Variants in CAGE1 observed in about 807,000 individuals in gnomAD.
CAGE1 encodes the protein cancer-associated gene 1 protein.
In CAGE1, 66 loss-of-function variants were observed where a neutral mutation model predicts 94.9. That is an observed-to-expected ratio of 0.70 (90% CI 0.57 to 0.85). CAGE1 has a LOEUF of 0.85. Ranked by LOEUF, CAGE1 falls within the 40% of genes least tolerant of loss-of-function variation. The probability of loss-of-function intolerance (pLI) is 0.00; values close to 1 mark genes in which losing one functional copy is unlikely to be tolerated. For missense variants in CAGE1, 865 were observed against 950.4 expected, an observed-to-expected ratio of 0.91 and a Z score of 1.18; for synonymous variants, 319 against 321.0, an observed-to-expected ratio of 0.99 and a Z score of 0.07.
intron 12 of CAGE1, chr6:7,331,215 G>A (rs1758741898): frequency 2.8e-6 from 1 of 363,242 alleles, no homozygotes. Flanking sequence ...TATAGTTTTT[G>A]GGGTCACGGT....
chr6:7,334,527 G>A (rs371391860), intron 11 of CAGE1, among the ~76,000 whole-genome samples: 10 of 152,098 alleles, frequency 6.6e-5, no homozygotes, highest in East Asian at 1.9e-4. Context: ...CCAGGAGTTC[G>A]TGACTAGCCT....
chr6:7,360,028 C>T (rs557861255), intron 9 of CAGE1, among the ~76,000 whole-genome samples: 34 of 152,244 alleles, frequency 2.2e-4, no homozygotes, highest in African/African-American at 7.7e-4. Context: ...AAAGGCTGCC[C>T]ACATCTTTGG....
rs746130641 is a variant in CAGE1, at chr6:7,373,205, G to A, written c.1614C>T (p.Asn538=). The A allele has an allele frequency of 1.1e-5, 17 of 1,612,488 alleles. No homozygotes were observed. The highest frequency in any genetic ancestry group is 7.7e-5 in the South Asian group (7 of 90,962). The change falls in exon 5 of 14, where the codon AAC becomes AAT. Residue 538 remains asparagine (N), a synonymous_variant. Transcript: ENST00000502583. ...GTTTTGCATTCTCATTTTTTACTTCGTTGATTTGCTGCTGAAGTTTTATAT... is the reference window on the plus strand; with the variant it reads ...GTTTTGCATTCTCATTTTTTACTTCATTGATTTGCTGCTGAAGTTTTATAT... The part of the protein sequence containing the change: ...TKNIKLQQQI[N]EVKNENAKLK...
chr6:7,350,014 TTA>T (rs539831690), intron 11 of CAGE1, among the ~76,000 whole-genome samples: 24 of 150,848 alleles, frequency 1.6e-4, no homozygotes, highest in African/African-American at 5.4e-4. Context: ...TTCAGGAGAC[TTA>T]CCTAACACAT....
In CAGE1 at chr6:7,385,784, C is replaced by G; in HGVS notation, c.283+1G>C. 1 of 1,517,630 alleles carries G rather than the reference C, an allele frequency of 6.6e-7. No individual in the cohort carries two copies. Among genetic ancestry groups the G allele is most frequent in the Non-Finnish European group, 8.9e-7 (1 of 1,127,136 alleles). The allele number at this position is 1,517,630 out of a possible 1,614,324, so 94.0% of individuals were successfully genotyped here. On this transcript the variant is annotated splice_donor_variant, in intron 3 of 13. Transcript: ENST00000502583. LOFTEE classifies it high-confidence loss of function. ...CATATTGCTAACAAGTAGATACTTACCATTTAACAAATTGTCTAGTGTGCC... is the reference window on the plus strand; with the variant it reads ...CATATTGCTAACAAGTAGATACTTAGCATTTAACAAATTGTCTAGTGTGCC...
intron 3 of CAGE1, among the ~76,000 whole-genome samples, chr6:7,379,469 G>A (rs1226123165): frequency 2.0e-5 from 3 of 152,196 alleles, no homozygotes; most frequent in Non-Finnish European, 4.4e-5. Context: ...TGAAGTGTAA[G>A]AGATGTTAAA....
intron 9 of CAGE1, among the ~76,000 whole-genome samples, chr6:7,356,686 A>C (rs1759965272): frequency 6.6e-6 from 1 of 152,246 alleles, no homozygotes; most frequent in African/African-American, 2.4e-5. Flanking sequence ...AATTATCAGG[A>C]AATGGTATTC....
At chr6:7,355,256 C>G in intron 10 of CAGE1, 145 bp from the exon 11 acceptor site, 1 of 576,000 alleles carries the variant, frequency 1.7e-6, no homozygotes, top group Non-Finnish European at 3.1e-6. Flanking sequence ...ATTTTGAAAT[C>G]AGGAACATGA....
In CAGE1 at chr6:7,362,639, G is replaced by A. The variant is rs945644206; in HGVS notation, c.2193+2829C>T. ...CGCGACGATGTGCCAAGGGAAGCAT[G>A]AGCATCACCCTGCACTCCAGCGGCC... On this transcript the variant is annotated intron_variant, in intron 9 of 13. Transcript: ENST00000502583. This position sits in a 1 kb window ranked among gnomAD's most constrained non-coding sequence, Gnocchi z 4.1. Among the ~76,000 whole-genome samples the A allele has an allele frequency of 6.6e-6, 1 of 152,216 alleles. No homozygotes were observed. The highest frequency in any genetic ancestry group is 1.5e-5 in the Non-Finnish European group (1 of 68,040).
intron 1 of CAGE1, 117 bp from the exon 2 acceptor site, chr6:7,387,313 G>A: frequency 1.6e-6 from 1 of 626,512 alleles, no homozygotes; most frequent in Middle Eastern, 4.3e-4. Flanking sequence ...CATTTGTCAA[G>A]TTATTAGAAA....
At chr6:7,327,509 C>T (rs1045447122) in intron 13 of CAGE1, among the ~76,000 whole-genome samples, 3 of 152,118 alleles carry the variant, frequency 2.0e-5, no homozygotes, top group African/African-American at 7.2e-5. Context: ...TAAGGAACAC[C>T]ATGAAGAACA....
At chr6:7,344,606 A>G (rs1195490481) in intron 11 of CAGE1, among the ~76,000 whole-genome samples, 1 of 151,918 alleles carries the variant, frequency 6.6e-6, no homozygotes, top group Non-Finnish European at 1.5e-5. Flanking sequence ...GTGCGGGCGT[A>G]CGGCCCGAGA....
At position 7,328,918 on chromosome 6, in the gene CAGE1, G is replaced by GTGTGTA. The variant is rs1328152228; in HGVS notation, c.2478+930_2478+931insTACACA. Among the ~76,000 whole-genome samples the GTGTGTA allele has an allele frequency of 1.2e-3, 53 of 43,998 alleles. 1 individual carries two copies. Among genetic ancestry groups the GTGTGTA allele is most frequent in the East Asian group, 4.4e-3 (5 of 1,130 alleles). The allele number at this position is 43,998 out of a possible 152,430, so 28.9% of individuals were successfully genotyped here. A position where few individuals can be genotyped will look rare whatever the true frequency, so the allele number is the denominator to read the frequency against. ...TGTGTGTGTGTGTGTGTGTGTGTGT[G>GTGTGTA]TATATATATATATATATTTTTTTTT... On this transcript the variant is annotated intron_variant, in intron 13 of 13. Transcript: ENST00000502583.
intron 11 of CAGE1, among the ~76,000 whole-genome samples, chr6:7,334,701 C>T (rs1758888667): frequency 7.9e-6 from 1 of 126,708 alleles, no homozygotes; most frequent in Admixed American, 9.3e-5. Context: ...GCACTTCAGC[C>T]TGGGACAGAG....
intron 11 of CAGE1, chr6:7,341,118 G>A (rs1759157334): frequency 7.2e-6 from 4 of 555,300 alleles, no homozygotes; most frequent in Admixed American, 2.0e-5. Context: ...TGGCAGTGAT[G>A]TACTTGTGAG....
At chr6:7,345,122 T>TCACCCTGC (rs1561851585) in intron 11 of CAGE1, among the ~76,000 whole-genome samples, 1 of 151,634 alleles carries the variant, frequency 6.6e-6, no homozygotes, top group Non-Finnish European at 1.5e-5. Flanking sequence ...GTTTGCTCTT[T>TCACCCTGC]AGATCCATAT....
intron 8 of CAGE1, 46 bp from the exon 9 acceptor site, chr6:7,365,621 C>T: frequency 6.4e-7 from 1 of 1,553,988 alleles, no homozygotes; most frequent in South Asian, 1.2e-5. Flanking sequence ...TTTCATACTC[C>T]TTGGAATACC....
In CAGE1 at chr6:7,368,909, A is replaced by G. The variant is rs191309340; in HGVS notation, c.1894-111T>C. 1,751 of 626,860 alleles carry G rather than the reference A, an allele frequency of 2.8e-3. 5 individuals carry two copies. Among genetic ancestry groups the G allele is most frequent in the Admixed American group, 4.6e-3 (133 of 28,618 alleles). The allele number at this position is 626,860 out of a possible 1,614,324, so 38.8% of individuals were successfully genotyped here. On this transcript the variant is annotated intron_variant, in intron 6 of 13. Transcript: ENST00000502583. ...AAATCTCCTTTCAATAAGTAAGCCAATCAAAAGAGGTAAAATCATATTGAA... is the reference window on the plus strand; with the variant it reads ...AAATCTCCTTTCAATAAGTAAGCCAGTCAAAAGAGGTAAAATCATATTGAA...
rs1376133889 is a variant in CAGE1, at chr6:7,374,112, T to C, written c.707A>G (p.Glu236Gly). The change falls in exon 5 of 14, where the codon GAA becomes GGA. Residue 236 changes from glutamate (E) to glycine (G), a missense_variant. Transcript: ENST00000502583. ...FLCKTAVPSK[E>G]IQNYGEIPEM... is the part of the protein sequence containing the mutation. ...AGGAATCTCCCCATAATTCTGTATT[T>C]CTTTTGAAGGAACTGCAGTCTGTAA... 1 of 1,612,394 alleles carries C rather than the reference T, an allele frequency of 6.2e-7. No individual in the cohort carries two copies. The highest frequency in any genetic ancestry group is 8.5e-7 in the Non-Finnish European group (1 of 1,178,910).
Sources: gnomAD v4.1 joint callset for allele counts (sites outside exome capture counted in the v4.1 genomes callset) on GRCh38, gnomAD v4.1.1 for gene constraint, Gnocchi (gnomAD v3.1) non-coding constraint, MANE v1.5 for transcripts, NCBI Gene and HGNC (gene_info 2026-07-23, HGNC 2026-07-21) for gene names.